The following SPATA13 variants were observed in gnomAD, a reference collection of about 807,000 sequenced individuals.
The protein encoded by SPATA13 is spermatogenesis associated 13, also known as spermatogenesis-associated protein 13.
A neutral mutation model predicts 104.0 loss-of-function variants in SPATA13; 50 were observed. The ratio of observed to expected loss-of-function variants is 0.48; its 90% CI spans 0.38 to 0.61. SPATA13 has a LOEUF of 0.61. Ranked by LOEUF, SPATA13 falls within the 20% of genes least tolerant of loss-of-function variation. The pLI, the probability that SPATA13 is intolerant of heterozygous loss-of-function variation, is 0.00. For synonymous variants in SPATA13, 606 were observed against 667.5 expected (o/e 0.91, Z 1.42); for missense variants, 1,524 against 1,690.6 (o/e 0.90, Z 1.73).
intron 3 of SPATA13, among the ~76,000 whole-genome samples, chr13:24,072,320 T>G (rs1466988487): frequency 6.6e-6 from 1 of 152,226 alleles, no homozygotes; most frequent in Non-Finnish European, 1.5e-5. Flanking sequence ...CTTTAAAATC[T>G]TTCTACCTGG....
chr13:24,201,031 TCACACACACACACA>T (rs10529866), intron 1 of SPATA13, among the ~76,000 whole-genome samples: 1 of 150,296 alleles, frequency 6.7e-6, no homozygotes, highest in Non-Finnish European at 1.5e-5. Flanking sequence ...AGCTAGTCAG[TCACACACACACACA>T]CACACACACA....
At chr13:24,284,003 A>G (rs978149112) in intron 4 of SPATA13, 132 bp from the exon 5 acceptor site, 15 of 890,668 alleles carry the variant, frequency 1.7e-5, no homozygotes, top group Non-Finnish European at 2.5e-5. Context: ...GACATTTTCT[A>G]ATAGTTTCTT....
intron 3 of SPATA13, among the ~76,000 whole-genome samples, chr13:24,052,283 A>T (rs1194445072): frequency 6.6e-6 from 1 of 152,172 alleles, no homozygotes; most frequent in African/African-American, 2.4e-5. Flanking sequence ...TCAGGATTAT[A>T]ATCCCAGCAA....
intron 1 of SPATA13, among the ~76,000 whole-genome samples, chr13:24,173,028 A>G (rs1271969044): frequency 6.6e-6 from 1 of 152,164 alleles, no homozygotes; most frequent in African/African-American, 2.4e-5. Context: ...ATTTTGTTAG[A>G]TTAACACCTA....
At chr13:24,052,281 A>T (rs1013568243) in intron 3 of SPATA13, among the ~76,000 whole-genome samples, 1 of 152,196 alleles carries the variant, frequency 6.6e-6, no homozygotes, top group South Asian at 2.1e-4. Context: ...GCTCAGGATT[A>T]TAATCCCAGC....
At chr13:23,999,382 A>AAAAAAAAAAAAAAAC (rs1875846062) in intron 2 of SPATA13, among the ~76,000 whole-genome samples, 1 of 145,896 alleles carries the variant, frequency 6.9e-6, no homozygotes, top group Admixed American at 7.0e-5. Flanking sequence ...AAAAAAAAAA[A>AAAAAAAAAAAAAAAC]AAAAAAAGCC....
At chr13:24,239,483 C>T (rs1308811623) in intron 2 of SPATA13, among the ~76,000 whole-genome samples, 1 of 151,644 alleles carries the variant, frequency 6.6e-6, no homozygotes, top group Non-Finnish European at 1.5e-5. Context: ...TCCCTTGAAC[C>T]CAGGAGTTTA....
chr13:24,165,524 C>T (rs1882691374), intron 1 of SPATA13, among the ~76,000 whole-genome samples: 1 of 152,166 alleles, frequency 6.6e-6, no homozygotes. Flanking sequence ...TCCTGGGTTC[C>T]TGGGCCACCC....
chr13:24,210,207 CAT>C (rs570337219), intron 1 of SPATA13, among the ~76,000 whole-genome samples: 210 of 152,254 alleles, frequency 1.4e-3, no homozygotes, highest in African/African-American at 4.6e-3. Context: ...ATGACTTGCA[CAT>C]GTTTTCTCCT....
intron 3 of SPATA13, among the ~76,000 whole-genome samples, chr13:24,044,623 G>A (rs369460548): frequency 1.3e-5 from 2 of 152,096 alleles, no homozygotes; most frequent in South Asian, 2.1e-4. Context: ...TGATCGAATC[G>A]GGGTAATTAG....
At chr13:24,157,168 T>G (rs1364118606), upstream of SPATA13, among the ~76,000 whole-genome samples, 1 of 152,198 alleles carries the variant, frequency 6.6e-6, no homozygotes, top group Non-Finnish European at 1.5e-5. Flanking sequence ...CCAGCCGTAG[T>G]CTGGGCGGAA....
intron 1 of SPATA13, among the ~76,000 whole-genome samples, chr13:24,200,830 C>G (rs1870354860): frequency 6.6e-6 from 1 of 151,418 alleles, no homozygotes; most frequent in African/African-American, 2.4e-5. Flanking sequence ...TAAAACAAAC[C>G]AAAAAACCCC....
chr13:24,270,008 C>T (rs1399783785), intron 4 of SPATA13, among the ~76,000 whole-genome samples: 1 of 151,966 alleles, frequency 6.6e-6, no homozygotes, highest in African/African-American at 2.4e-5. Flanking sequence ...AGGCATGAGC[C>T]AGCGGGCCCA....
chr13:24,297,868 A>T lies in SPATA13; in HGVS notation c.3583+133A>T. Reference sequence around the variant, plus strand: ...TCCCACCATGGGGAAAGGACAAGGGATCTGCAAACCCTAAATACTTCTGAA... The same window carrying T: ...TCCCACCATGGGGAAAGGACAAGGGTTCTGCAAACCCTAAATACTTCTGAA... On this transcript the variant is annotated intron_variant, in intron 11 of 12. Coordinates refer to ENST00000382108, the MANE Select transcript of SPATA13 (RefSeq NM_001166271.3). The T allele has an allele frequency of 2.7e-6, 3 of 1,099,010 alleles. No individual in the cohort carries two copies. In the East Asian group the frequency reaches 7.7e-5, roughly 28 times the overall value. The allele number at this position is 1,099,010 out of a possible 1,614,324, so 68.1% of individuals were successfully genotyped here.
chr13:24,045,179 T>A (rs1181621592), intron 3 of SPATA13, among the ~76,000 whole-genome samples: 1 of 152,254 alleles, frequency 6.6e-6, no homozygotes, highest in African/African-American at 2.4e-5. Context: ...TTCTTGGAAA[T>A]TTGTACCTGA....
rs753859757 is a variant in SPATA13, at chr13:24,284,134, G to A, written c.2165-1G>A. On this transcript the variant is annotated splice_acceptor_variant, in intron 4 of 12. Coordinates refer to ENST00000382108, the MANE Select transcript of SPATA13 (RefSeq NM_001166271.3). LOFTEE classifies it high-confidence loss of function. ...TCATGCCTTTGTTTTGTATGTTTTAGTTTCTTCAGATGGAGGTACTGAGCC... is the reference window on the plus strand; with the variant it reads ...TCATGCCTTTGTTTTGTATGTTTTAATTTCTTCAGATGGAGGTACTGAGCC... 1 of 1,606,488 alleles carries A rather than the reference G, an allele frequency of 6.2e-7. No homozygotes were observed. Among genetic ancestry groups the A allele is most frequent in the Non-Finnish European group, 8.5e-7 (1 of 1,174,622 alleles).
At chr13:24,238,260 G>A (rs1325892367) in intron 2 of SPATA13, among the ~76,000 whole-genome samples, 8 of 148,672 alleles carry the variant, frequency 5.4e-5, no homozygotes, top group African/African-American at 7.4e-5. Context: ...GGGTTCAAGC[G>A]ATTCTTGTGC....
chr13:24,134,177 G>A (rs1224527582), intron 3 of SPATA13, among the ~76,000 whole-genome samples: 2 of 152,156 alleles, frequency 1.3e-5, no homozygotes, highest in African/African-American at 4.8e-5. Flanking sequence ...TGTGGGTTTG[G>A]GCCAATGAAT....
Position 24,189,664 on chromosome 13 carries a change from T to TAAAA in SPATA13, c.-112+28732_-112+28733insAAAA, listed in dbSNP as rs1566140330. Among the ~76,000 whole-genome samples, 2 of 3,882 alleles carry TAAAA rather than the reference T, an allele frequency of 5.2e-4. 1 individual carries two copies. The highest frequency in any genetic ancestry group is 0.023 in the Admixed American group (2 of 88). The allele number at this position is 3,882 out of a possible 152,430, so 2.5% of individuals were successfully genotyped here. On this transcript the variant is annotated intron_variant, in intron 1 of 12. Coordinates refer to ENST00000382108, the MANE Select transcript of SPATA13 (RefSeq NM_001166271.3). ...TTATATATATATTATATATTATATA[T>TAAAA]TTATATATTATATATATTTATATAT...
Sources: allele counts gnomAD v4.1 joint callset (sites outside exome capture counted in the v4.1 genomes callset), GRCh38; gene constraint gnomAD v4.1.1; transcripts MANE v1.5; gene names NCBI Gene and HGNC (gene_info 2026-07-23, HGNC 2026-07-21).